Variants in RYR2 observed in about 807,000 individuals in gnomAD.
The protein encoded by RYR2 is cardiac muscle ryanodine receptor-calcium release channel.
RYR2 carries 227 observed loss-of-function variants against 601.1 expected under a neutral mutation model. The ratio of observed to expected loss-of-function variants is 0.38; its 90% confidence interval spans 0.34 to 0.42. The LOEUF is 0.42. Among genes scored for constraint, RYR2 ranks in the 10% least tolerant of loss-of-function variants. The probability of loss-of-function intolerance (pLI) is 1.00; values close to 1 mark genes in which losing one functional copy is unlikely to be tolerated. For synonymous variants in RYR2, 2,223 were observed against 2,175.1 expected, an observed-to-expected ratio of 1.02 and a Z score of -0.61; for missense variants, 4,646 against 6,156.5, an observed-to-expected ratio of 0.75 and a Z score of 8.21.
intron 1 of RYR2, among the ~76,000 whole-genome samples, chr1:237,138,206 A>T (rs1342826308): frequency 1.3e-5 from 2 of 151,452 alleles, no homozygotes. Context: ...TAATTTTTGT[A>T]TTTTTTGGTA....
intron 25 of RYR2, among the ~76,000 whole-genome samples, chr1:237,538,781 A>G (rs12745941): frequency 7.1e-5 from 1 of 14,052 alleles, no homozygotes; most frequent in South Asian, 2.9e-3. Flanking sequence ...AATAAAAAAA[A>G]TTAAAAAAAA....
At chr1:237,281,931 T>TG (rs751150771) in intron 2 of RYR2, among the ~76,000 whole-genome samples, 2 of 152,146 alleles carry the variant, frequency 1.3e-5, no homozygotes, top group Non-Finnish European at 2.9e-5. Context: ...AAACTACACT[T>TG]GGAGTATATA....
At chr1:237,406,408 T>C (rs1337687206) in intron 10 of RYR2, among the ~76,000 whole-genome samples, 1 of 151,520 alleles carries the variant, frequency 6.6e-6, no homozygotes, top group Non-Finnish European at 1.5e-5. Context: ...AAACAATTAG[T>C]GTTTGTTTTT....
intron 74 of RYR2, among the ~76,000 whole-genome samples, chr1:237,725,394 G>A (rs970373194): frequency 4.6e-5 from 7 of 152,092 alleles, no homozygotes; most frequent in Admixed American, 1.3e-4. Flanking sequence ...ACAGAGGAGC[G>A]TGCAAAGAAT....
At chr1:237,291,997 G>A (rs1039202341) in intron 2 of RYR2, among the ~76,000 whole-genome samples, 1 of 152,166 alleles carries the variant, frequency 6.6e-6, no homozygotes, top group Non-Finnish European at 1.5e-5. Flanking sequence ...TGATAGTGGG[G>A]GAAGCCGTGC....
chr1:237,178,840 C>A lies in RYR2; in HGVS notation c.49-91657C>A, dbSNP rs369616223. ...TAAAGTGTCAAAGTTTTGCTTTCAA[C>A]CTTTAGGTTCTTAATTCACCAAGAA... On this transcript the variant is annotated intron_variant, in intron 1 of 104. Transcript: ENST00000366574. 2.5e-4 allele frequency among the ~76,000 whole-genome samples: 38 copies of A among 152,070 alleles called. No individual in the cohort carries two copies. The East Asian group carries it at 5.2e-3, about 21-fold the overall frequency.
intron 1 of RYR2, among the ~76,000 whole-genome samples, chr1:237,197,368 A>G: frequency 6.6e-6 from 1 of 152,224 alleles, no homozygotes; most frequent in East Asian, 1.9e-4. Flanking sequence ...CTGAGTTTTC[A>G]TAAATTGGTG....
chr1:237,650,088 C>G lies in RYR2; in HGVS notation c.7724C>G (p.Ser2575Cys), dbSNP rs1682575838. 1 of 1,613,610 alleles carries G rather than the reference C, an allele frequency of 6.2e-7. No homozygotes were observed. ...GATTCCATAGAAGTTTGTTTACTCTCTATTTGTGGGTGAGTGGATAACAAA... is the reference window on the plus strand; with the variant it reads ...GATTCCATAGAAGTTTGTTTACTCTGTATTTGTGGGTGAGTGGATAACAAA... ...QRDSIEVCLL[S>C]ICGQLRPSMM... Residue 2575 changes from serine to cysteine, a missense_variant, in exon 50 of 105, where the codon TCT becomes TGT. Physicochemically the swap from Ser to Cys is moderately radical, Grantham distance 112. This residue lies in a region of RYR2 where 1,497 missense variants were observed against 1,842.6 expected (regional missense o/e 0.81). Transcript: ENST00000366574.
intron 1 of RYR2, among the ~76,000 whole-genome samples, chr1:237,089,732 G>A (rs1049026345): frequency 2.6e-4 from 40 of 152,188 alleles, no homozygotes; most frequent in African/African-American, 4.8e-5. Context: ...TGTATCCCAC[G>A]TGATGCTGAA....
At chr1:237,333,568 G>A (rs898698980) in intron 3 of RYR2, 1 of 455,640 alleles carries the variant, frequency 2.2e-6, no homozygotes. Context: ...TACCAAGAAG[G>A]ATAGATATTT....
chr1:237,414,154 G>A (rs574101393), intron 10 of RYR2, among the ~76,000 whole-genome samples: 1 of 152,258 alleles, frequency 6.6e-6, no homozygotes, highest in East Asian at 1.9e-4. Flanking sequence ...AAAAAGCTGT[G>A]TCTTTGTGTG....
chr1:237,354,015 T>A (rs942865146), intron 3 of RYR2, among the ~76,000 whole-genome samples: 10 of 152,194 alleles, frequency 6.6e-5, no homozygotes, highest in African/African-American at 2.2e-4. Context: ...ACAAGAGACG[T>A]GTCATGAAAT....
chr1:237,342,574 T>A (rs1253884779), intron 3 of RYR2, among the ~76,000 whole-genome samples: 1 of 152,180 alleles, frequency 6.6e-6, no homozygotes, highest in Non-Finnish European at 1.5e-5. Flanking sequence ...ACTTGAGGAT[T>A]ACAGAGACCA....
chr1:237,528,171 T>C (rs1226620764), intron 24 of RYR2, among the ~76,000 whole-genome samples: 1 of 152,186 alleles, frequency 6.6e-6, no homozygotes, highest in African/African-American at 2.4e-5. Flanking sequence ...AAGGTGAATA[T>C]TCTCAACTTA....
rs998582109 is a variant in RYR2 at position 237,763,291 on chromosome 1, G to A, written c.11476+2263G>A. On this transcript the variant is annotated intron_variant, in intron 84 of 104. Coordinates refer to ENST00000366574, the MANE Select transcript of RYR2 (RefSeq NM_001035.3). ...ATGTGTGCCCTAGTCTCCCTGTGGC[G>A]TTTCTGTCTTGAACATGCTGTGGCT... is the stretch of plus-strand genomic sequence containing the variant. Among the ~76,000 whole-genome samples the A allele has an allele frequency of 5.3e-5, 8 of 152,146 alleles. No homozygotes were observed. The South Asian group carries it at 1.0e-3, about 20-fold the overall frequency.
rs76645289 is a variant in RYR2, at chr1:237,452,093, G to A, written c.1293-2298G>A. 3.6e-5 allele frequency among the ~76,000 whole-genome samples: 3 copies of A among 83,980 alleles called. No individual in the cohort carries two copies. In the East Asian group the frequency reaches 1.4e-3, roughly 40 times the overall value. 55.1% of individuals were successfully genotyped at this position (83,980 alleles called of 152,430 possible). A position where few individuals can be genotyped will look rare whatever the true frequency, so the allele number is the denominator to read the frequency against. On this transcript the variant is annotated intron_variant, in intron 14 of 104. Transcript: ENST00000366574. Reference sequence around the variant, plus strand: ...TATAAAATTTTGTGTGTGTGTGTGTGTGTGTGTGTGTGTATGTGTGTGTAT... The same window carrying A: ...TATAAAATTTTGTGTGTGTGTGTGTATGTGTGTGTGTGTATGTGTGTGTAT...
chr1:237,167,685 C>G (rs1387014548), intron 1 of RYR2, among the ~76,000 whole-genome samples: 2 of 144,850 alleles, frequency 1.4e-5, no homozygotes, highest in African/African-American at 5.1e-5. Flanking sequence ...TGAAACTGAA[C>G]TGATGTCTGA....
At chr1:237,776,432 G>A (rs1235877166) in intron 87 of RYR2, among the ~76,000 whole-genome samples, 1 of 152,116 alleles carries the variant, frequency 6.6e-6, no homozygotes, top group East Asian at 1.9e-4. Context: ...GGAATCTTGT[G>A]CACTGGCCAC....
intron 10 of RYR2, among the ~76,000 whole-genome samples, chr1:237,391,297 A>G (rs1264303406): frequency 2.0e-5 from 3 of 152,134 alleles, no homozygotes; most frequent in African/African-American, 7.2e-5. Context: ...CTAAAAATAT[A>G]CTTTTTTCAT....
Sources: gnomAD v4.1 joint callset for allele counts (sites outside exome capture counted in the v4.1 genomes callset) on GRCh38, gnomAD v4.1.1 for gene constraint, gnomAD v4.1.1 regional missense constraint, MANE v1.5 for transcripts, NCBI Gene and HGNC (gene_info 2026-07-23, HGNC 2026-07-21) for gene names.